NAALADL2: variants seen among roughly 807,000 people sequenced by gnomAD.
NAALADL2 encodes the protein inactive N-acetylated-alpha-linked acidic dipeptidase-like protein 2.
Under a neutral mutation model 87.2 loss-of-function variants are expected in NAALADL2, and 76 were observed. That is an observed-to-expected ratio of 0.87 (90% confidence interval 0.72 to 1.05). The LOEUF is 1.05. NAALADL2 is among the 50% of genes least tolerant of loss of function. The probability of loss-of-function intolerance (pLI) is 0.00; values close to 1 mark genes in which losing one functional copy is unlikely to be tolerated. For missense variants in NAALADL2, 1,089 were observed against 945.8 expected, an observed-to-expected ratio of 1.15 and a Z score of -1.99; for synonymous variants, 354 against 331.0, an observed-to-expected ratio of 1.07 and a Z score of -0.75.
chr3:174,698,967 G>GTATATA (rs139364042), intron 2 of NAALADL2, among the ~76,000 whole-genome samples: 2,044 of 140,936 alleles, frequency 0.015, 27 homozygotes, highest in East Asian at 0.039. Context: ...GTGTGTGCGT[G>GTATATA]TATATATATA....
At chr3:175,469,534 A>G (rs1724569440) in intron 8 of NAALADL2, among the ~76,000 whole-genome samples, 1 of 152,108 alleles carries the variant, frequency 6.6e-6, no homozygotes, top group Non-Finnish European at 1.5e-5. Flanking sequence ...ATTTATAGAC[A>G]GAATTATTAG....
chr3:175,248,530 C>G lies in NAALADL2; in HGVS notation c.820-7881C>G, dbSNP rs184974199. ...CTCACTTGAAGCTCCAAATACAAAT[C>G]TCTCTCTCTCTCTCCATTAAGTGAT... On this transcript the variant is annotated intron_variant, in intron 3 of 13. Coordinates refer to ENST00000454872, the MANE Select transcript of NAALADL2 (RefSeq NM_207015.3). Among the ~76,000 whole-genome samples the G allele has an allele frequency of 1.5e-4, 22 of 151,370 alleles. No individual in the cohort carries two copies. The South Asian group carries it at 1.7e-3, about 11-fold the overall frequency.
chr3:175,492,305 G>C (rs1728216036), intron 9 of NAALADL2, among the ~76,000 whole-genome samples: 1 of 152,136 alleles, frequency 6.6e-6, no homozygotes, highest in Non-Finnish European at 1.5e-5. Flanking sequence ...CAATCAGGCA[G>C]CTCTGAAAAG....
At chr3:174,604,742 A>G (rs1718816166) in intron 2 of NAALADL2, among the ~76,000 whole-genome samples, 1 of 145,976 alleles carries the variant, frequency 6.9e-6, no homozygotes, top group Admixed American at 6.8e-5. Context: ...TCTCCACTGT[A>G]TGTTTTGTTC....
intron 3 of NAALADL2, among the ~76,000 whole-genome samples, chr3:174,793,602 T>C (rs1717718859): frequency 1.3e-5 from 2 of 152,108 alleles, no homozygotes; most frequent in Admixed American, 1.3e-4. Flanking sequence ...CCCAAATCCT[T>C]GGCTGTGTCA....
intron 5 of NAALADL2, among the ~76,000 whole-genome samples, chr3:175,416,888 A>G (rs1181955864): frequency 2.6e-5 from 4 of 151,972 alleles, no homozygotes; most frequent in African/African-American, 9.7e-5. Context: ...AAATAAATAT[A>G]TGATGCTGAG....
At chr3:175,312,525 C>A (rs558443764) in intron 4 of NAALADL2, among the ~76,000 whole-genome samples, 7 of 151,878 alleles carry the variant, frequency 4.6e-5, no homozygotes, top group Admixed American at 4.6e-4. Context: ...GAAAGCAGAT[C>A]ACTGTAAGAA....
intron 3 of NAALADL2, among the ~76,000 whole-genome samples, chr3:174,852,329 C>T (rs1725343857): frequency 6.6e-6 from 1 of 151,932 alleles, no homozygotes; most frequent in African/African-American, 2.4e-5. Context: ...CTAAGTACTC[C>T]ACCAAAAAAA....
At chr3:174,904,427 G>A (rs918230613) in intron 1 of NAALADL2, among the ~76,000 whole-genome samples, 16 of 151,718 alleles carry the variant, frequency 1.1e-4, no homozygotes, top group Non-Finnish European at 2.1e-4. Flanking sequence ...GGCATTCTAC[G>A]ATTTGGCATA....
chr3:174,827,037 A>G (rs1395101591), intron 3 of NAALADL2, among the ~76,000 whole-genome samples: 2 of 152,176 alleles, frequency 1.3e-5, no homozygotes, highest in East Asian at 3.9e-4. Flanking sequence ...TAAAATTTAT[A>G]TGTTTATTTT....
At chr3:174,595,235 T>G (rs1717769941) in intron 2 of NAALADL2, among the ~76,000 whole-genome samples, 1 of 152,120 alleles carries the variant, frequency 6.6e-6, no homozygotes, top group Non-Finnish European at 1.5e-5. Flanking sequence ...TTTCTCTTTC[T>G]CCTCTCCCTC....
At chr3:175,374,839 A>C (rs1766945192) in intron 5 of NAALADL2, among the ~76,000 whole-genome samples, 1 of 151,580 alleles carries the variant, frequency 6.6e-6, no homozygotes, top group South Asian at 2.1e-4. Flanking sequence ...ACACTACTGC[A>C]CTCCAGCCTG....
At chr3:175,391,170 A>T (rs1198466674) in intron 5 of NAALADL2, among the ~76,000 whole-genome samples, 2 of 152,206 alleles carry the variant, frequency 1.3e-5, no homozygotes, top group African/African-American at 4.8e-5. Flanking sequence ...TCTGTTTAGC[A>T]TGTCGAGATT....
At chr3:175,332,805 G>GT (rs1761548138) in intron 5 of NAALADL2, among the ~76,000 whole-genome samples, 1 of 152,118 alleles carries the variant, frequency 6.6e-6, no homozygotes, top group South Asian at 2.1e-4. Context: ...TAGATTATCT[G>GT]TTTTTTGAGA....
chr3:174,865,306 C>T (rs180839805), intron 1 of NAALADL2, among the ~76,000 whole-genome samples: 4 of 152,084 alleles, frequency 2.6e-5, no homozygotes, highest in East Asian at 3.9e-4. Flanking sequence ...AAGGTGTGCA[C>T]GTATGCTTGT....
chr3:175,486,804 T>G (rs11920303), intron 9 of NAALADL2, among the ~76,000 whole-genome samples: 9 of 152,062 alleles, frequency 5.9e-5, no homozygotes, highest in Non-Finnish European at 1.0e-4. Flanking sequence ...ACAAAGACCT[T>G]GGAGACCTCT....
intron 2 of NAALADL2, among the ~76,000 whole-genome samples, chr3:174,711,900 A>G (rs547204030): frequency 1.1e-3 from 162 of 152,170 alleles, no homozygotes; most frequent in African/African-American, 3.9e-3. Flanking sequence ...CCTGGGTTCA[A>G]GAGATTCTCT....
chr3:175,248,496 A>G (rs1309657734), intron 3 of NAALADL2, among the ~76,000 whole-genome samples: 1 of 152,146 alleles, frequency 6.6e-6, no homozygotes, highest in Non-Finnish European at 1.5e-5. Context: ...TAATTTCAAC[A>G]CATCTTGTCT....
chr3:174,979,653 T>C (rs1322854716), intron 1 of NAALADL2, among the ~76,000 whole-genome samples: 1 of 152,136 alleles, frequency 6.6e-6, no homozygotes, highest in African/African-American at 2.4e-5. Context: ...TTATCTAAAA[T>C]ACAGAATTAT....
Sources: gnomAD v4.1 joint callset for allele counts (sites outside exome capture counted in the v4.1 genomes callset) on GRCh38, gnomAD v4.1.1 for gene constraint, MANE v1.5 for transcripts, NCBI Gene and HGNC (gene_info 2026-07-23, HGNC 2026-07-21) for gene names.